Variants in PTPRQ observed in about 807,000 individuals in gnomAD.
The protein encoded by PTPRQ is protein tyrosine phosphatase receptor type Q.
In PTPRQ, 199 loss-of-function variants were observed where a neutral mutation model predicts 246.0. The observed-to-expected ratio is 0.81, with a 90% CI of 0.72 to 0.91. The LOEUF (loss-of-function observed/expected upper bound fraction) is 0.91, where lower values mean the gene tolerates loss of function less well. Among genes scored for constraint, PTPRQ ranks in the 40% least tolerant of loss-of-function variants. PTPRQ has a pLI of 0.00. For synonymous variants in PTPRQ, 869 were observed against 853.2 expected (o/e 1.02, Z -0.32); for missense variants, 2,624 against 2,528.4 (o/e 1.04, Z -0.81).
At chr12:80,497,785 G>A (rs543756777) in intron 14 of PTPRQ, among the ~76,000 whole-genome samples, 24 of 151,926 alleles carry the variant, frequency 1.6e-4, no homozygotes, top group South Asian at 2.1e-4. Flanking sequence ...TTAATTGTAC[G>A]TTTAAAACAA....
chr12:80,675,107 C>T (rs1775528775), intron 43 of PTPRQ, among the ~76,000 whole-genome samples: 1 of 151,992 alleles, frequency 6.6e-6, no homozygotes, highest in South Asian at 2.1e-4. Context: ...TAAATGTCAC[C>T]CTTCCCCCAG....
intron 3 of PTPRQ, among the ~76,000 whole-genome samples, chr12:80,450,882 G>C (rs1221643961): frequency 6.6e-6 from 1 of 152,178 alleles, no homozygotes; most frequent in East Asian, 1.9e-4. Flanking sequence ...TCAGGATGAT[G>C]CTGGCCTCAT....
At chr12:80,626,252 C>T (rs1309553090) in intron 33 of PTPRQ, among the ~76,000 whole-genome samples, 1 of 152,102 alleles carries the variant, frequency 6.6e-6, no homozygotes, top group East Asian at 1.9e-4. Context: ...CTCACATACT[C>T]TGTAGTCAAG....
At chr12:80,481,520 C>T (rs11513781) in intron 8 of PTPRQ, among the ~76,000 whole-genome samples, 46,873 of 151,648 alleles carry the variant, frequency 0.31, 8,847 homozygotes, top group African/African-American at 0.53. Context: ...GGAAGTTCTG[C>T]CCAGGGCAAT....
chr12:80,507,091 A>C (rs1251720370), intron 16 of PTPRQ, among the ~76,000 whole-genome samples: 1 of 151,990 alleles, frequency 6.6e-6, no homozygotes, highest in Non-Finnish European at 1.5e-5. Context: ...ATTAATGATT[A>C]ACTTGATAAT....
At chr12:80,561,433 G>A (rs1896823054) in intron 25 of PTPRQ, 1 of 152,358 alleles carries the variant, frequency 6.6e-6, no homozygotes, top group South Asian at 2.1e-4. Flanking sequence ...TATATCTGAA[G>A]CAGAGGTGGC....
chr12:80,535,898 G>C (rs865886352), intron 19 of PTPRQ, among the ~76,000 whole-genome samples: 1 of 152,166 alleles, frequency 6.6e-6, no homozygotes, highest in African/African-American at 2.4e-5. Context: ...ACAAGGTCAG[G>C]AGATCGAGAT....
intron 17 of PTPRQ, 125 bp from the exon 18 acceptor site, chr12:80,533,889 CT>C: frequency 2.9e-6 from 2 of 678,204 alleles, no homozygotes; most frequent in East Asian, 3.5e-5. Context: ...TAACCAACAT[CT>C]TTTTTCTATT....
intron 25 of PTPRQ, among the ~76,000 whole-genome samples, chr12:80,567,754 T>A (rs1897022726): frequency 6.6e-6 from 1 of 152,172 alleles, no homozygotes; most frequent in Admixed American, 6.6e-5. Context: ...GATGTTTTTG[T>A]ACAAATCTTT....
At chr12:80,653,537 C>A (rs916629355) in intron 38 of PTPRQ, among the ~76,000 whole-genome samples, 4 of 152,034 alleles carry the variant, frequency 2.6e-5, no homozygotes, top group African/African-American at 7.2e-5. Flanking sequence ...TGTCCTGAAA[C>A]GTTTCAAAGT....
intron 27 of PTPRQ, among the ~76,000 whole-genome samples, chr12:80,608,737 A>T (rs17006962): frequency 0.067 from 10,117 of 150,374 alleles, 412 homozygotes; most frequent in East Asian, 0.13. Flanking sequence ...TAAAATCAGA[A>T]TTCAAATAGC....
chr12:80,473,055 A>ACGCGCGCG (rs1555185253), intron 8 of PTPRQ, among the ~76,000 whole-genome samples: 29 of 150,558 alleles, frequency 1.9e-4, no homozygotes, highest in African/African-American at 6.2e-4. Context: ...ACGCACACAC[A>ACGCGCGCG]CACACACACA....
intron 25 of PTPRQ, among the ~76,000 whole-genome samples, chr12:80,568,191 T>C (rs1254906525): frequency 1.3e-5 from 2 of 152,194 alleles, no homozygotes; most frequent in African/African-American, 4.8e-5. Flanking sequence ...GTGTCAATTA[T>C]AAATGTATGT....
rs539265444 is a variant in PTPRQ, at chr12:80,633,755, T to C, written c.5787-1190T>C. ...TGAGAGAGTTATCATTCGAGGCACT[T>C]TGAATGCTATAATGTGTAAAATATG... On this transcript the variant is annotated intron_variant, in intron 34 of 44. Transcript: ENST00000644991. Among the ~76,000 whole-genome samples the C allele has an allele frequency of 2.6e-5, 4 of 152,316 alleles. No individual in the cohort carries two copies. In the South Asian group the frequency reaches 8.3e-4, roughly 32 times the overall value.
intron 23 of PTPRQ, among the ~76,000 whole-genome samples, chr12:80,544,361 G>A (rs947893649): frequency 1.3e-5 from 2 of 152,086 alleles, no homozygotes; most frequent in Non-Finnish European, 2.9e-5. Flanking sequence ...CATTGTAATA[G>A]CACTAAGCAT....
intron 17 of PTPRQ, among the ~76,000 whole-genome samples, chr12:80,520,581 A>G (rs1027178305): frequency 8.7e-5 from 12 of 138,682 alleles, no homozygotes; most frequent in African/African-American, 3.0e-4. Flanking sequence ...TCATTGTTCA[A>G]TTCCCACCTA....
Position 80,669,142 on chromosome 12 carries a change from G to T in PTPRQ, c.6327+1G>T. On this transcript the variant is annotated splice_donor_variant, in intron 40 of 44. Coordinates refer to ENST00000644991, the MANE Select transcript of PTPRQ (RefSeq NM_001145026.2). LOFTEE classifies it high-confidence loss of function. ...AACACAGTGTTTTGAAAAAGGACGG[G>T]TAAGTTATTTGAAAATGTTTTACAA... 1 of 1,543,000 alleles carries T rather than the reference G, an allele frequency of 6.5e-7. No individual in the cohort carries two copies. Among genetic ancestry groups the T allele is most frequent in the South Asian group, 1.2e-5 (1 of 82,500 alleles).
intron 14 of PTPRQ, among the ~76,000 whole-genome samples, chr12:80,501,061 C>T (rs7976516): frequency 0.3 from 45,573 of 151,520 alleles, 8,168 homozygotes; most frequent in African/African-American, 0.5. Context: ...AGAGGAAGAA[C>T]AGCAATTGCC....
intron 25 of PTPRQ, among the ~76,000 whole-genome samples, chr12:80,581,992 A>G (rs1897454162): frequency 6.6e-6 from 1 of 152,126 alleles, no homozygotes; most frequent in African/African-American, 2.4e-5. Context: ...TGATTTAGCA[A>G]TGTCTACCAA....
Sources: allele counts gnomAD v4.1 joint callset (sites outside exome capture counted in the v4.1 genomes callset), GRCh38; gene constraint gnomAD v4.1.1; transcripts MANE v1.5; gene names NCBI Gene and HGNC (gene_info 2026-07-23, HGNC 2026-07-21).